PPP3CA: variants seen among roughly 807,000 people sequenced by gnomAD.
PPP3CA encodes CAM-PRP catalytic subunit.
Under a neutral mutation model 66.5 loss-of-function variants are expected in PPP3CA, and 14 were observed. That is an observed-to-expected ratio of 0.21 (90% CI 0.14 to 0.33). The LOEUF (loss-of-function observed/expected upper bound fraction) is 0.33, where lower values mean the gene tolerates loss of function less well. Among genes scored for constraint, PPP3CA ranks in the 10% least tolerant of loss-of-function variants. The probability of loss-of-function intolerance (pLI) is 1.00; values close to 1 mark genes in which losing one functional copy is unlikely to be tolerated. For missense variants in PPP3CA, 317 were observed against 639.5 expected, an observed-to-expected ratio of 0.50 and a Z score of 5.44; for synonymous variants, 232 against 226.2, an observed-to-expected ratio of 1.03 and a Z score of -0.23.
intron 2 of PPP3CA, among the ~76,000 whole-genome samples, chr4:101,182,877 A>C (rs974296826): frequency 1.3e-5 from 2 of 151,996 alleles, no homozygotes; most frequent in Admixed American, 6.6e-5. Context: ...TTTCCTGCAC[A>C]AGCTCTCTCT....
chr4:101,160,027 A>G (rs950993626), intron 2 of PPP3CA, among the ~76,000 whole-genome samples: 2 of 151,508 alleles, frequency 1.3e-5, no homozygotes, highest in Non-Finnish European at 2.9e-5. Context: ...ATGCATCATT[A>G]TAATAATCAA....
chr4:101,048,542 T>C (rs1383194315), intron 10 of PPP3CA, among the ~76,000 whole-genome samples: 4 of 133,134 alleles, frequency 3.0e-5, no homozygotes, highest in African/African-American at 5.4e-5. Context: ...AAAAGCCATA[T>C]GTATGCCTAT....
At chr4:101,186,362 A>G (rs1578532846) in intron 2 of PPP3CA, among the ~76,000 whole-genome samples, 1 of 152,154 alleles carries the variant, frequency 6.6e-6, no homozygotes, top group East Asian at 1.9e-4. Context: ...GTAAAATCCA[A>G]ATAATGTACA....
intron 1 of PPP3CA, among the ~76,000 whole-genome samples, chr4:101,284,120 T>C (rs1727764384): frequency 6.6e-6 from 1 of 152,194 alleles, no homozygotes; most frequent in Non-Finnish European, 1.5e-5. Flanking sequence ...CAGAACCTTC[T>C]AATAAATTTC....
intron 2 of PPP3CA, among the ~76,000 whole-genome samples, chr4:101,175,763 A>T (rs1724039983): frequency 1.3e-5 from 2 of 152,190 alleles, no homozygotes; most frequent in African/African-American, 4.8e-5. Flanking sequence ...TTTCAAATGG[A>T]GAGGAATTGC....
At chr4:101,237,001 GT>G (rs1726152594) in intron 1 of PPP3CA, among the ~76,000 whole-genome samples, 1 of 150,390 alleles carries the variant, frequency 6.6e-6, no homozygotes, top group Admixed American at 6.7e-5. Flanking sequence ...TCTGTGTAAT[GT>G]TTTTATAATC....
chr4:101,283,895 C>A (rs113162862), intron 1 of PPP3CA, among the ~76,000 whole-genome samples: 2 of 152,074 alleles, frequency 1.3e-5, no homozygotes, highest in African/African-American at 4.8e-5. Context: ...TTCTCAAGAC[C>A]GACGTTTCGG....
chr4:101,081,397 T>G (rs1256848107), intron 7 of PPP3CA, among the ~76,000 whole-genome samples: 5 of 152,134 alleles, frequency 3.3e-5, no homozygotes, highest in African/African-American at 1.2e-4. Flanking sequence ...AAACAGAACA[T>G]GCACAAGAAC....
chr4:101,186,242 A>T (rs2110180156), intron 2 of PPP3CA, among the ~76,000 whole-genome samples: 1 of 152,290 alleles, frequency 6.6e-6, no homozygotes, highest in South Asian at 2.1e-4. Context: ...ATACCCCCAA[A>T]TAGTTTAGGG....
In PPP3CA at chr4:101,093,762, T is replaced by G. The variant is rs41275733; in HGVS notation, c.782+14A>C. On this transcript the variant is annotated intron_variant, in intron 6 of 13. Transcript: ENST00000394854. ...ATGCAAACGTGTTCCAGAGAGCAAG[T>G]TCTCTATTCTTACCTGTAGAAGTAT... The G allele has an allele frequency of 0.031, 48,445 of 1,582,568 alleles. 918 individuals are homozygous for G. The highest frequency in any genetic ancestry group is 0.081 in the Middle Eastern group (482 of 5,916).
intron 1 of PPP3CA, among the ~76,000 whole-genome samples, chr4:101,329,336 G>A (rs1729302440): frequency 6.6e-6 from 1 of 152,160 alleles, no homozygotes; most frequent in African/African-American, 2.4e-5. Flanking sequence ...CATGAAGGCT[G>A]AGAGAGGTGA....
At position 101,347,449 on chromosome 4, in the gene PPP3CA, C is replaced by T. The variant is rs892052887; in HGVS notation, c.-653G>A. ...CGCCGCCGCGATCGCCCGCGCTCGC[C>T]TCTGCCTCCCCGCGCCGCTCCTCCA... On this transcript the variant is annotated 5_prime_UTR_variant, in exon 1 of 14. Coordinates refer to ENST00000394854, the MANE Select transcript of PPP3CA (RefSeq NM_000944.5). 1.8e-5 allele frequency: 3 copies of T among 167,406 alleles called. No individual in the cohort carries two copies. The highest frequency in any genetic ancestry group is 7.2e-5 in the African/African-American group (3 of 41,408). The allele number at this position is 167,406 out of a possible 1,614,324, so 10.4% of individuals were successfully genotyped here.
At chr4:101,288,552 G>A (rs1472331258) in intron 1 of PPP3CA, among the ~76,000 whole-genome samples, 1 of 151,768 alleles carries the variant, frequency 6.6e-6, no homozygotes, top group East Asian at 1.9e-4. Context: ...GAGCGGGAGG[G>A]GGAGGGGAGT....
In PPP3CA at chr4:101,198,276, T is replaced by C. The variant is rs72917905; in HGVS notation, c.59-2160A>G. Among the ~76,000 whole-genome samples, 356 of 152,264 alleles carry C rather than the reference T, an allele frequency of 2.3e-3. 1 individual carries two copies. The highest frequency in any genetic ancestry group is 8.4e-3 in the African/African-American group (347 of 41,534). On this transcript the variant is annotated intron_variant, in intron 1 of 13. Coordinates refer to ENST00000394854, the MANE Select transcript of PPP3CA (RefSeq NM_000944.5). Reference sequence around the variant, plus strand: ...TGTTAGGAAAACATGTAGATGTTTTTCAACAGCCACATTTCTTTATGCAGG... The same window carrying C: ...TGTTAGGAAAACATGTAGATGTTTTCCAACAGCCACATTTCTTTATGCAGG...
intron 1 of PPP3CA, among the ~76,000 whole-genome samples, chr4:101,309,997 G>A (rs1430954666): frequency 1.3e-5 from 2 of 152,150 alleles, no homozygotes; most frequent in African/African-American, 4.8e-5. Context: ...AGATCAGTGT[G>A]TAAATAAAGA....
chr4:101,214,930 T>C (rs1425796439), intron 1 of PPP3CA, among the ~76,000 whole-genome samples: 5 of 152,128 alleles, frequency 3.3e-5, no homozygotes, highest in Non-Finnish European at 7.4e-5. Context: ...TAAATTAATA[T>C]AATTCTTTAG....
At chr4:101,132,380 T>C (rs1301548131) in intron 2 of PPP3CA, among the ~76,000 whole-genome samples, 3 of 151,518 alleles carry the variant, frequency 2.0e-5, no homozygotes, top group Non-Finnish European at 4.4e-5. Context: ...AAAAGAGAGA[T>C]GAATCAAATA....
chr4:101,065,712 A>G (rs1728652711), intron 8 of PPP3CA, among the ~76,000 whole-genome samples: 1 of 152,102 alleles, frequency 6.6e-6, no homozygotes, highest in Admixed American at 6.6e-5. Context: ...TTTGAATTCT[A>G]GTCCTAGCTG....
At chr4:101,046,279 T>G (rs1400668849) in intron 10 of PPP3CA, among the ~76,000 whole-genome samples, 3 of 152,192 alleles carry the variant, frequency 2.0e-5, no homozygotes, top group Non-Finnish European at 4.4e-5. Context: ...AAATTATACT[T>G]AAATATCTTC....
Sources: allele counts gnomAD v4.1 joint callset (sites outside exome capture counted in the v4.1 genomes callset), GRCh38; gene constraint gnomAD v4.1.1; transcripts MANE v1.5; gene names NCBI Gene and HGNC (gene_info 2026-07-23, HGNC 2026-07-21).